Variants in PCSK5 observed in about 807,000 individuals in gnomAD.
PCSK5 encodes the protein prohormone convertase 5.
PCSK5 carries 129 observed loss-of-function variants against 233.2 expected under a neutral mutation model. That is an observed-to-expected ratio of 0.55 (90% CI 0.48 to 0.64). PCSK5 has a LOEUF of 0.64. Ranked by LOEUF, PCSK5 falls within the 30% of genes least tolerant of loss-of-function variation. The probability of loss-of-function intolerance (pLI) is 0.00; values close to 1 mark genes in which losing one functional copy is unlikely to be tolerated. For missense variants in PCSK5, 2,076 were observed against 2,430.1 expected (o/e 0.85, Z 3.06); for synonymous variants, 825 against 879.2 (o/e 0.94, Z 1.09).
At position 76,310,811 on chromosome 9, in the gene PCSK5, C is replaced by G; in HGVS notation, c.3844C>G (p.Leu1282Val). The change falls in exon 30 of 38, where the codon CTC becomes GTC. Residue 1282 changes from leucine to valine, a missense_variant. Physicochemically the swap from Leu to Val is conservative, Grantham distance 32. This residue lies in a region of PCSK5 where 1,510 missense variants were observed against 1,538.1 expected (regional missense o/e 0.98). Coordinates refer to ENST00000674117, the MANE Select transcript of PCSK5 (RefSeq NM_001372043.1). The part of the protein sequence containing the change: ...KKCQMQPGHP[L>V]FLHEGRCYSK... ...ATGCCAGATGCAGCCGGGCCACCCT[C>G]TCTTCCTCCATGAAGGCAGGTGCTA... The G allele has an allele frequency of 1.2e-6, 2 of 1,609,790 alleles. No homozygotes were observed. The highest frequency in any genetic ancestry group is 1.7e-6 in the Non-Finnish European group (2 of 1,178,748).
At chr9:75,975,882 CTG>C (rs1217433522) in intron 2 of PCSK5, among the ~76,000 whole-genome samples, 3 of 152,164 alleles carry the variant, frequency 2.0e-5, no homozygotes, top group African/African-American at 7.2e-5. Context: ...AGTCATGCCA[CTG>C]TGTTTTTCAT....
At position 75,969,695 on chromosome 9, in the gene PCSK5, G is replaced by A. The variant is rs377258913; in HGVS notation, c.298-16437G>A. On this transcript the variant is annotated intron_variant, in intron 2 of 37. Transcript: ENST00000674117. The stretch of plus-strand genomic sequence containing the variant: ...ACGAACGCGTTACCATAGTCACATG[G>A]TGGACATTCCTGTGCCAAGGACTGT... Among the ~76,000 whole-genome samples, 4 of 152,092 alleles carry A rather than the reference G, an allele frequency of 2.6e-5. 1 individual carries two copies. The South Asian group carries it at 8.3e-4, about 32-fold the overall frequency.
chr9:76,174,355 G>A (rs978117207), intron 13 of PCSK5, among the ~76,000 whole-genome samples: 2 of 150,788 alleles, frequency 1.3e-5, no homozygotes, highest in Non-Finnish European at 3.0e-5. Flanking sequence ...TGCCCAGGCT[G>A]GAGTGCAGTG....
intron 36 of PCSK5, among the ~76,000 whole-genome samples, chr9:76,353,125 A>G (rs1292403623): frequency 1.3e-5 from 2 of 152,248 alleles, no homozygotes; most frequent in Non-Finnish European, 2.9e-5. Flanking sequence ...ACAGCTGAGA[A>G]AGCACCTTGT....
intron 2 of PCSK5, among the ~76,000 whole-genome samples, chr9:75,955,962 A>C (rs1825077182): frequency 1.3e-5 from 2 of 152,182 alleles, no homozygotes; most frequent in Non-Finnish European, 2.9e-5. Context: ...CCTATGGTAC[A>C]AATGAGAAAA....
chr9:75,902,456 A>C (rs1185200499), intron 1 of PCSK5, among the ~76,000 whole-genome samples: 1 of 152,084 alleles, frequency 6.6e-6, no homozygotes, highest in Non-Finnish European at 1.5e-5. Flanking sequence ...CAAAAGAAAA[A>C]TGGATGGCCA....
chr9:76,206,444 G>GCCC, intron 20 of PCSK5, among the ~76,000 whole-genome samples: 1 of 152,304 alleles, frequency 6.6e-6, no homozygotes, highest in South Asian at 2.1e-4. Context: ...AGAAGACAGA[G>GCCC]CCCCTTTCCC....
rs1458013360 is a variant in PCSK5, at chr9:76,289,518, A to G, written c.3143-2715A>G. ...ACACACACACACACACACGCAACAT[A>G]CACACACACACACACACACACACAC... On this transcript the variant is annotated intron_variant, in intron 24 of 37. Coordinates refer to ENST00000674117, the MANE Select transcript of PCSK5 (RefSeq NM_001372043.1). Among the ~76,000 whole-genome samples, 84 of 30,440 alleles carry G rather than the reference A, an allele frequency of 2.8e-3. 1 individual carries two copies. The highest frequency in any genetic ancestry group is 0.01 in the African/African-American group (48 of 4,746). 20.0% of individuals were successfully genotyped at this position (30,440 alleles called of 152,430 possible).
At chr9:76,223,293 A>G (rs1467521549) in intron 20 of PCSK5, among the ~76,000 whole-genome samples, 3 of 152,244 alleles carry the variant, frequency 2.0e-5, no homozygotes. Flanking sequence ...AAGAAAGCGT[A>G]GCATTTGTTC....
intron 1 of PCSK5, among the ~76,000 whole-genome samples, chr9:75,931,588 AT>A (rs1182975146): frequency 1.3e-5 from 2 of 152,150 alleles, no homozygotes; most frequent in African/African-American, 4.8e-5. Flanking sequence ...ACATTTTATA[AT>A]TTGCTGAGAA....
intron 7 of PCSK5, among the ~76,000 whole-genome samples, chr9:76,086,467 C>T (rs1587608231): frequency 6.6e-6 from 1 of 152,244 alleles, no homozygotes; most frequent in East Asian, 1.9e-4. Context: ...CTGAGTCCTG[C>T]TGAGGCCTCT....
intron 1 of PCSK5, among the ~76,000 whole-genome samples, chr9:75,927,357 G>A (rs1823539697): frequency 6.6e-6 from 1 of 152,128 alleles, no homozygotes; most frequent in Non-Finnish European, 1.5e-5. Flanking sequence ...AAGAAGGCAG[G>A]AGGGAAAACC....
chr9:75,948,430 T>C (rs1158323896), intron 2 of PCSK5, among the ~76,000 whole-genome samples: 2 of 151,756 alleles, frequency 1.3e-5, no homozygotes, highest in Non-Finnish European at 2.9e-5. Flanking sequence ...GTCCTTGTGA[T>C]AGTTTGCTTA....
chr9:76,063,464 G>C (rs1830115337), intron 5 of PCSK5, among the ~76,000 whole-genome samples: 1 of 103,902 alleles, frequency 9.6e-6, no homozygotes, highest in East Asian at 2.6e-4. Context: ...TTCCTAGGCA[G>C]AGGACCCTGC....
At chr9:76,104,640 C>T (rs1831904007) in intron 8 of PCSK5, among the ~76,000 whole-genome samples, 1 of 152,176 alleles carries the variant, frequency 6.6e-6, no homozygotes, top group Admixed American at 6.5e-5. Flanking sequence ...TTGAGGTTGG[C>T]TGAAGATGGT....
chr9:76,036,018 A>G (rs1228442876), intron 5 of PCSK5, among the ~76,000 whole-genome samples: 1 of 152,140 alleles, frequency 6.6e-6, no homozygotes, highest in African/African-American at 2.4e-5. Context: ...CCAGAAGAGC[A>G]TGCTGAAAAA....
At chr9:76,087,258 G>A (rs1163918397) in intron 7 of PCSK5, among the ~76,000 whole-genome samples, 1 of 152,212 alleles carries the variant, frequency 6.6e-6, no homozygotes, top group Non-Finnish European at 1.5e-5. Flanking sequence ...TAAGCCTTTT[G>A]TGAGTTGATG....
chr9:76,092,381 G>A (rs999289464), intron 7 of PCSK5, among the ~76,000 whole-genome samples: 11 of 152,220 alleles, frequency 7.2e-5, no homozygotes, highest in Admixed American at 3.3e-4. Flanking sequence ...AAGGTCTGGC[G>A]CTTTCTTTTT....
intron 9 of PCSK5, among the ~76,000 whole-genome samples, chr9:76,114,316 C>T (rs1385760334): frequency 1.3e-5 from 2 of 152,110 alleles, no homozygotes. Flanking sequence ...ACCCAAAGAG[C>T]AGTTACCACG....
Sources: allele counts gnomAD v4.1 joint callset (sites outside exome capture counted in the v4.1 genomes callset), GRCh38; gene constraint gnomAD v4.1.1; regional missense constraint gnomAD v4.1.1; transcripts MANE v1.5; gene names NCBI Gene and HGNC (gene_info 2026-07-23, HGNC 2026-07-21).